The following CDH23 variants were observed in gnomAD, a reference collection of about 807,000 sequenced individuals.
CDH23 encodes cadherin-23.
CDH23 carries 189 observed loss-of-function variants against 317.1 expected under a neutral mutation model. That is an observed-to-expected ratio of 0.60 (90% confidence interval 0.53 to 0.67). The LOEUF is 0.67. CDH23 is among the 30% of genes least tolerant of loss of function. CDH23 has a pLI of 0.00. For synonymous variants in CDH23, 1,839 were observed against 1,876.8 expected (o/e 0.98, Z 0.52); for missense variants, 4,401 against 4,592.4 (o/e 0.96, Z 1.20).
intron 1 of CDH23, among the ~76,000 whole-genome samples, chr10:71,434,310 G>A (rs1002854737): frequency 6.6e-6 from 1 of 152,228 alleles, no homozygotes; most frequent in African/African-American, 2.4e-5. Flanking sequence ...CTCTGTTGGG[G>A]TTGGTCTCTC....
chr10:71,433,221 C>A (rs1436284025), intron 1 of CDH23, among the ~76,000 whole-genome samples: 1 of 152,166 alleles, frequency 6.6e-6, no homozygotes, highest in African/African-American at 2.4e-5. Context: ...ACTAGGAATC[C>A]AAACACCATC....
At chr10:71,691,229 A>G (rs1419515332) in intron 20 of CDH23, among the ~76,000 whole-genome samples, 2 of 152,188 alleles carry the variant, frequency 1.3e-5, no homozygotes, top group African/African-American at 4.8e-5. Context: ...GCTGGGAGAA[A>G]AAGTGGGCAG....
chr10:71,570,726 A>G (rs1857738207), intron 7 of CDH23, 64 bp from the exon 8 acceptor site: 2 of 1,546,564 alleles, frequency 1.3e-6, no homozygotes, highest in East Asian at 4.9e-5. Flanking sequence ...GTGTGTGTAC[A>G]TATGTGTGTG....
At chr10:71,515,557 T>C (rs1034812343) in intron 6 of CDH23, among the ~76,000 whole-genome samples, 14 of 151,982 alleles carry the variant, frequency 9.2e-5, no homozygotes, top group African/African-American at 3.4e-4. Flanking sequence ...CAGCAAACAT[T>C]TGTTGAACAG....
intron 1 of CDH23, among the ~76,000 whole-genome samples, chr10:71,436,085 T>C (rs1390336300): frequency 6.6e-6 from 1 of 152,264 alleles, no homozygotes; most frequent in Admixed American, 6.5e-5. Flanking sequence ...CTGTGCCACC[T>C]TGACCTAGTG....
chr10:71,704,707 G>A (rs755668087), intron 24 of CDH23, among the ~76,000 whole-genome samples: 6 of 152,196 alleles, frequency 3.9e-5, no homozygotes, highest in South Asian at 2.1e-4. Context: ...GCATCTGGAC[G>A]CCTTTCAGCT....
intron 38 of CDH23, among the ~76,000 whole-genome samples, chr10:71,768,348 T>C (rs1257928168): frequency 6.6e-6 from 1 of 152,088 alleles, no homozygotes; most frequent in Non-Finnish European, 1.5e-5. Context: ...TTTTTGTATT[T>C]TTAGTAGAGA....
At chr10:71,773,194 G>T (rs1840726824) in intron 38 of CDH23, among the ~76,000 whole-genome samples, 1 of 152,230 alleles carries the variant, frequency 6.6e-6, no homozygotes, top group African/African-American at 2.4e-5. Flanking sequence ...AGTTGCCACT[G>T]CACCCTGCCT....
At chr10:71,433,732 C>T (rs1319240364) in intron 1 of CDH23, among the ~76,000 whole-genome samples, 1 of 151,954 alleles carries the variant, frequency 6.6e-6, no homozygotes, top group Admixed American at 6.6e-5. Context: ...TGCTTGGGCT[C>T]AATTCATTCT....
rs1243429152 is a variant in CDH23, at chr10:71,778,210, G to A, written c.5089G>A (p.Glu1697Lys). The change falls in exon 40 of 70, where the codon GAG becomes AAG. Residue 1697 changes from glutamate (E) to lysine (K), a missense_variant. Physicochemically the swap from Glu to Lys is moderately conservative, Grantham distance 56. This residue lies in a region of CDH23 where 3,068 missense variants were observed against 3,203.3 expected (regional missense o/e 0.96). Coordinates refer to ENST00000224721, the MANE Select transcript of CDH23 (RefSeq NM_022124.6). ...RHMGVITAAK[E>K]LDYEISHGRY... ...CCAGGGTGTCATCACTGCTGCCAAA[G>A]AGCTGGACTACGAGATCAGCCACGG... The A allele has an allele frequency of 6.2e-7, 1 of 1,613,862 alleles. No individual in the cohort carries two copies. Among genetic ancestry groups the A allele is most frequent in the Non-Finnish European group, 8.5e-7 (1 of 1,179,836 alleles).
chr10:71,676,042 G>C (rs2132666449), intron 15 of CDH23, among the ~76,000 whole-genome samples: 1 of 151,566 alleles, frequency 6.6e-6, no homozygotes, highest in Middle Eastern at 3.4e-3. Context: ...TGAGTAGCTG[G>C]GATTACAGGC....
intron 3 of CDH23, among the ~76,000 whole-genome samples, chr10:71,504,140 C>A (rs1172231457): frequency 2.6e-5 from 4 of 152,112 alleles, no homozygotes; most frequent in African/African-American, 9.7e-5. Context: ...GACACTGTTG[C>A]CTAACCGACC....
At chr10:71,713,050 A>C in intron 28 of CDH23, 1 of 737,050 alleles carries the variant, frequency 1.4e-6, no homozygotes, top group Non-Finnish European at 2.5e-6. Context: ...CACAAACAGG[A>C]GGAAGACTTG....
Position 71,785,646 on chromosome 10 carries a change from G to A in CDH23, c.5728G>A (p.Val1910Met). 6.2e-7 allele frequency: 1 copy of A among 1,601,034 alleles called. No homozygotes were observed. The highest frequency in any genetic ancestry group is 1.1e-5 in the South Asian group (1 of 88,334). ...FINATTGIVTVNRPLDRERIP... is the reference protein window; with the variant it reads ...FINATTGIVTMNRPLDRERIP... ...CACATCCCAGACAGGGATCGTCACT[G>A]TGAACCGGCCCCTGGACCGCGAGCG... The change falls in exon 44 of 70, where the codon GTG (valine) becomes ATG (methionine). Residue 1910 changes from valine (V) to methionine (M), a missense_variant. Physicochemically the swap from Val to Met is conservative, Grantham distance 21 (BLOSUM62 1). Around this residue, in one of 3 missense-constraint regions of CDH23, gnomAD observed 3,068 missense variants for 3,203.3 expected, o/e 0.96. Transcript: ENST00000224721.
intron 8 of CDH23, among the ~76,000 whole-genome samples, chr10:71,577,285 A>G (rs1402420839): frequency 1.3e-5 from 2 of 151,912 alleles, no homozygotes; most frequent in African/African-American, 4.8e-5. Context: ...TGCAGAGAGA[A>G]TGAGTAGGGG....
chr10:71,769,933 T>G (rs1379294312), intron 38 of CDH23, among the ~76,000 whole-genome samples: 1 of 152,122 alleles, frequency 6.6e-6, no homozygotes, highest in Non-Finnish European at 1.5e-5. Flanking sequence ...CAGGCTTGCC[T>G]TCAAGTTGCA....
chr10:71,575,308 A>G (rs1315210186), intron 8 of CDH23, among the ~76,000 whole-genome samples: 1 of 152,128 alleles, frequency 6.6e-6, no homozygotes, highest in Non-Finnish European at 1.5e-5. Context: ...AAATAAAGTA[A>G]CAATCACGTT....
intron 11 of CDH23, among the ~76,000 whole-genome samples, chr10:71,633,009 C>G (rs985185157): frequency 1.3e-5 from 2 of 152,102 alleles, no homozygotes; most frequent in Non-Finnish European, 2.9e-5. Flanking sequence ...TGCAGGGCAT[C>G]TCGCATGATG....
chr10:71,428,585 T>A (rs1849223729), intron 1 of CDH23, among the ~76,000 whole-genome samples: 2 of 151,416 alleles, frequency 1.3e-5, no homozygotes, highest in African/African-American at 4.9e-5. Flanking sequence ...CATTTGTATA[T>A]CTTCTTCTTT....
Sources: allele counts gnomAD v4.1 joint callset (sites outside exome capture counted in the v4.1 genomes callset), GRCh38; gene constraint gnomAD v4.1.1; regional missense constraint gnomAD v4.1.1; transcripts MANE v1.5; gene names NCBI Gene and HGNC (gene_info 2026-07-23, HGNC 2026-07-21).